Variants in AMPH observed in about 807,000 individuals in gnomAD.
The protein encoded by AMPH is amphiphysin (Stiff-Mann syndrome with breast cancer 128kD autoantigen).
A neutral mutation model predicts 99.1 loss-of-function variants in AMPH; 49 were observed. The ratio of observed to expected loss-of-function variants is 0.49; its 90% CI spans 0.39 to 0.63. The LOEUF (loss-of-function observed/expected upper bound fraction) is 0.63, where lower values mean the gene tolerates loss of function less well. AMPH is among the 20% of genes least tolerant of loss of function. The pLI is 0.00. For synonymous variants in AMPH, 314 were observed against 317.3 expected, an observed-to-expected ratio of 0.99 and a Z score of 0.11; for missense variants, 759 against 863.4, an observed-to-expected ratio of 0.88 and a Z score of 1.52.
At chr7:38,433,673 C>T (rs1054470291) in intron 12 of AMPH, among the ~76,000 whole-genome samples, 28 of 81,742 alleles carry the variant, frequency 3.4e-4, no homozygotes, top group African/African-American at 1.3e-3. Context: ...TGCAGTGAGC[C>T]GAGATCCTGC....
chr7:38,606,549 T>A (rs1337255784), intron 1 of AMPH, among the ~76,000 whole-genome samples: 2 of 149,716 alleles, frequency 1.3e-5, no homozygotes, highest in Non-Finnish European at 3.0e-5. Context: ...CTGTGGCACG[T>A]CTCAGAACGT....
In AMPH at chr7:38,477,121, C is replaced by T. The variant is rs758009363; in HGVS notation, c.397-152G>A. The T allele has an allele frequency of 4.4e-4, 273 of 615,082 alleles. 2 individuals are homozygous for T. Among genetic ancestry groups the T allele is most frequent in the Admixed American group, 1.9e-3 (71 of 37,682 alleles). 38.1% of individuals were successfully genotyped at this position (615,082 alleles called of 1,614,324 possible). A position where few individuals can be genotyped will look rare whatever the true frequency, so the allele number is the denominator to read the frequency against. On this transcript the variant is annotated intron_variant, in intron 5 of 20. Transcript: ENST00000356264. The stretch of plus-strand genomic sequence containing the variant: ...CTGGAGTTTCACTAGCTAAGTGACT[C>T]CTGAAAATCAGATGAACACCTCCAA...
intron 1 of AMPH, among the ~76,000 whole-genome samples, chr7:38,599,972 T>C (rs1196434497): frequency 6.6e-6 from 1 of 152,072 alleles, no homozygotes. Flanking sequence ...TATTTTCTTA[T>C]AATATATTCC....
intron 4 of AMPH, among the ~76,000 whole-genome samples, chr7:38,493,057 A>G (rs3778878): frequency 0.46 from 69,887 of 152,024 alleles, 16,778 homozygotes; most frequent in African/African-American, 0.59. Flanking sequence ...GAGCCAACAA[A>G]TGCTTTCCTC....
At chr7:38,385,047 G>A (rs1171865317) in intron 20 of AMPH, 122 bp from the exon 21 acceptor site, 2 of 820,000 alleles carry the variant, frequency 2.4e-6, no homozygotes, top group Non-Finnish European at 4.0e-6. Flanking sequence ...CACATTACAG[G>A]TAAAGTGCTG....
intron 1 of AMPH, among the ~76,000 whole-genome samples, chr7:38,576,309 C>A (rs1262350011): frequency 1.3e-5 from 2 of 152,128 alleles, no homozygotes; most frequent in African/African-American, 4.8e-5. Flanking sequence ...GCTTATAATT[C>A]TTTTTATTGG....
At chr7:38,441,440 C>T (rs1786500494) in intron 11 of AMPH, among the ~76,000 whole-genome samples, 1 of 151,978 alleles carries the variant, frequency 6.6e-6, no homozygotes, top group Non-Finnish European at 1.5e-5. Context: ...TTCAAGTGCA[C>T]ATGGAAATGT....
intron 5 of AMPH, among the ~76,000 whole-genome samples, chr7:38,490,468 G>C (rs930212956): frequency 1.3e-5 from 2 of 152,080 alleles, no homozygotes; most frequent in East Asian, 3.8e-4. Context: ...CTCTGTAATA[G>C]ATTCAAGGGT....
intron 17 of AMPH, among the ~76,000 whole-genome samples, chr7:38,414,238 T>C (rs1430851966): frequency 1.3e-5 from 2 of 152,226 alleles, no homozygotes; most frequent in Non-Finnish European, 2.9e-5. Context: ...AGTTTAGTGG[T>C]AAAATTTTTA....
chr7:38,476,980 G>T lies in AMPH; in HGVS notation c.397-11C>A. 6.2e-7 allele frequency: 1 copy of T among 1,611,276 alleles called. No individual in the cohort carries two copies. Among genetic ancestry groups the T allele is most frequent in the South Asian group, 1.1e-5 (1 of 91,022 alleles). On this transcript the variant is annotated splice_polypyrimidine_tract_variant and intron_variant, in intron 5 of 20. Transcript: ENST00000356264. ...CTTGGCGATGCGATTCTGTCAACAG[G>T]AAATGCACTCACTAAGAAAGAAGCA...
chr7:38,419,190 C>T (rs1785498285), intron 16 of AMPH, among the ~76,000 whole-genome samples: 1 of 152,104 alleles, frequency 6.6e-6, no homozygotes, highest in Non-Finnish European at 1.5e-5. Context: ...AATCAAAACA[C>T]ACCTCTATTT....
chr7:38,446,209 C>T (rs1381724281), intron 11 of AMPH, among the ~76,000 whole-genome samples: 2 of 152,150 alleles, frequency 1.3e-5, no homozygotes, highest in African/African-American at 4.8e-5. Context: ...TTATGCGATG[C>T]TGATGAAAAT....
chr7:38,547,523 A>C (rs1791033848), intron 1 of AMPH, among the ~76,000 whole-genome samples: 1 of 152,176 alleles, frequency 6.6e-6, no homozygotes, highest in South Asian at 2.1e-4. Flanking sequence ...GCAGTTGACA[A>C]AGGATAATTA....
intron 1 of AMPH, among the ~76,000 whole-genome samples, chr7:38,591,907 C>T (rs983744007): frequency 4.6e-5 from 7 of 152,124 alleles, no homozygotes; most frequent in South Asian, 2.1e-4. Context: ...AACCCAGCAG[C>T]GCTAGAGGAG....
intron 19 of AMPH, among the ~76,000 whole-genome samples, chr7:38,390,128 G>A (rs548183929): frequency 6.6e-6 from 1 of 152,316 alleles, no homozygotes; most frequent in East Asian, 1.9e-4. Flanking sequence ...ACAGGGAAAA[G>A]CACTATATTA....
At chr7:38,407,335 A>C (rs892959712) in intron 17 of AMPH, among the ~76,000 whole-genome samples, 5 of 140,586 alleles carry the variant, frequency 3.6e-5, no homozygotes, top group Admixed American at 2.1e-4. Context: ...ATTAGGGAAA[A>C]TCTCTCTCTC....
chr7:38,428,461 T>C (rs767476606), intron 14 of AMPH: 11 of 456,754 alleles, frequency 2.4e-5, no homozygotes, highest in South Asian at 1.4e-4. Context: ...TCAAGTTTTA[T>C]TGATAAAACA....
intron 11 of AMPH, among the ~76,000 whole-genome samples, chr7:38,439,699 A>G (rs117379163): frequency 0.023 from 3,434 of 152,300 alleles, 50 homozygotes; most frequent in Non-Finnish European, 0.033. Context: ...GGTGACTTGG[A>G]ATGTGCTCCT....
intron 2 of AMPH, among the ~76,000 whole-genome samples, chr7:38,525,120 TTGTG>T (rs941877185): frequency 1.3e-5 from 2 of 150,728 alleles, no homozygotes; most frequent in African/African-American, 4.9e-5. Flanking sequence ...TCATTTGCAG[TTGTG>T]TGTGTGTGTA....
Sources: gnomAD v4.1 joint callset for allele counts (sites outside exome capture counted in the v4.1 genomes callset) on GRCh38, gnomAD v4.1.1 for gene constraint, MANE v1.5 for transcripts, NCBI Gene and HGNC (gene_info 2026-07-23, HGNC 2026-07-21) for gene names.